Variants in KATNIP observed in about 807,000 individuals in gnomAD.
KATNIP encodes the protein katanin-interacting protein.
Under a neutral mutation model 174.0 loss-of-function variants are expected in KATNIP, and 126 were observed. The observed-to-expected ratio is 0.72, with a 90% CI of 0.63 to 0.84. KATNIP has a LOEUF of 0.84. Ranked by LOEUF, KATNIP falls within the 40% of genes least tolerant of loss-of-function variation. KATNIP has a pLI of 0.00. For missense variants in KATNIP, 1,958 were observed against 2,109.7 expected, an observed-to-expected ratio of 0.93 and a Z score of 1.41; for synonymous variants, 810 against 835.7, an observed-to-expected ratio of 0.97 and a Z score of 0.53.
Position 27,778,615 on chromosome 16 carries a change from C to A in KATNIP, c.4843C>A (p.Arg1615=). 1.2e-6 allele frequency: 2 copies of A among 1,613,756 alleles called. No individual in the cohort carries two copies. The highest frequency in any genetic ancestry group is 1.7e-6 in the Non-Finnish European group (2 of 1,179,776). Residue 1615 remains arginine (R), a synonymous_variant, in exon 28 of 28, where the codon CGA becomes AGA. Transcript: ENST00000261588. The part of the protein sequence containing the change: ...KTCISEKETR[R]RRC ...CTGCATCAGCGAGAAGGAGACGAGACGACGGCGCTGCTGACTGGTGAAGGA... is the reference window on the plus strand; with the variant it reads ...CTGCATCAGCGAGAAGGAGACGAGAAGACGGCGCTGCTGACTGGTGAAGGA...
intron 6 of KATNIP, among the ~76,000 whole-genome samples, chr16:27,664,629 T>A (rs1456752014): frequency 6.6e-6 from 1 of 152,228 alleles, no homozygotes; most frequent in Non-Finnish European, 1.5e-5. Context: ...TTACTTTTTG[T>A]CTCTTTGATC....
At position 27,628,779 on chromosome 16, in the gene KATNIP, G is replaced by A; in HGVS notation, c.259G>A (p.Ala87Thr). The change falls in exon 4 of 28, where the codon GCT becomes ACT. Residue 87 changes from alanine (A) to threonine (T), a missense_variant. By Grantham distance (58) the Ala-to-Thr change is moderately conservative. This residue lies in a region of KATNIP where 1,557 missense variants were observed against 1,617.8 expected (regional missense o/e 0.96). Transcript: ENST00000261588. The part of the protein sequence containing the change: ...NSELKSSPRK[A>T]IHSDFSRSAS... ...GGAGCTGAAATCATCACCGCGGAAA[G>A]CTATTCACTCTGACTTCTCCAGAAG... 6.2e-7 allele frequency: 1 copy of A among 1,614,202 alleles called. No individual in the cohort carries two copies. Among genetic ancestry groups the A allele is most frequent in the Non-Finnish European group, 8.5e-7 (1 of 1,180,038 alleles).
intron 2 of KATNIP, among the ~76,000 whole-genome samples, chr16:27,591,494 C>A (rs150947048): frequency 0.014 from 2,159 of 152,168 alleles, 18 homozygotes; most frequent in Non-Finnish European, 0.024. Context: ...GTTGTGCTTT[C>A]TAATGAAAAC....
At chr16:27,738,144 C>T (rs1242544705) in intron 14 of KATNIP, among the ~76,000 whole-genome samples, 1 of 152,130 alleles carries the variant, frequency 6.6e-6, no homozygotes, top group African/African-American at 2.4e-5. Context: ...AATCTCAGAG[C>T]AGTTATGGTG....
At chr16:27,775,230 C>G in intron 24 of KATNIP, 146 bp downstream of exon 24, 1 of 972,114 alleles carries the variant, frequency 1.0e-6, no homozygotes, top group Non-Finnish European at 1.5e-6. Flanking sequence ...AGGTTTAGGT[C>G]TTTGCTAACT....
Position 27,750,297 on chromosome 16 carries a change from C to T in KATNIP, c.3337C>T (p.Leu1113=), listed in dbSNP as rs1230413405. The change falls in exon 16 of 28, where the codon CTG becomes TTG. Residue 1113 remains leucine, a synonymous_variant. Coordinates refer to ENST00000261588, the MANE Select transcript of KATNIP (RefSeq NM_015202.5). The part of the protein sequence containing the change: ...EGEIAKASGT[L]AGAPEHFGDT... The stretch of plus-strand genomic sequence containing the variant: ...AGAAATCGCCAAGGCCTCTGGAACC[C>T]TGGCGGGAGGTATGGCGTGTCTGTA... 8.7e-6 allele frequency: 14 copies of T among 1,609,178 alleles called. No individual in the cohort carries two copies. Among genetic ancestry groups the T allele is most frequent in the Non-Finnish European group, 1.2e-5 (14 of 1,177,258 alleles).
intron 15 of KATNIP, 88 bp downstream of exon 15, chr16:27,741,008 T>G (rs1282626401): frequency 1.5e-5 from 19 of 1,303,870 alleles, no homozygotes; most frequent in East Asian, 2.5e-5. Flanking sequence ...GACCTCAGTT[T>G]CCTTATCTGC....
In KATNIP at chr16:27,721,704, C is replaced by G. The variant is rs766481578; in HGVS notation, c.1743+9C>G. ...ACTGGACAGCTGATGGCGTAAGTAACAGGCGCTGGTTCCCCACTGGGCACT... is the reference window on the plus strand; with the variant it reads ...ACTGGACAGCTGATGGCGTAAGTAAGAGGCGCTGGTTCCCCACTGGGCACT... On this transcript the variant is annotated intron_variant, in intron 14 of 27. Coordinates refer to ENST00000261588, the MANE Select transcript of KATNIP (RefSeq NM_015202.5). 11 of 1,612,930 alleles carry G rather than the reference C, an allele frequency of 6.8e-6. 1 individual carries two copies. In the South Asian group the frequency reaches 9.9e-5, roughly 14 times the overall value.
intron 14 of KATNIP, among the ~76,000 whole-genome samples, chr16:27,729,263 C>T (rs1031358152): frequency 1.2e-4 from 19 of 152,180 alleles, no homozygotes; most frequent in African/African-American, 4.6e-4. Context: ...GCCTCATCCT[C>T]AGTTTCCACG....
chr16:27,734,109 G>T (rs1483365301), intron 14 of KATNIP, among the ~76,000 whole-genome samples: 2 of 151,808 alleles, frequency 1.3e-5, no homozygotes, highest in African/African-American at 4.8e-5. Flanking sequence ...TTGAGACAGA[G>T]TTTCCCTCTT....
chr16:27,690,228 T>C (rs963122313), intron 8 of KATNIP, among the ~76,000 whole-genome samples: 12 of 151,926 alleles, frequency 7.9e-5, no homozygotes, highest in Non-Finnish European at 1.6e-4. Context: ...GGCAAGAGGA[T>C]GACTTGAGCA....
At chr16:27,718,962 A>G (rs1482668828) in intron 13 of KATNIP, among the ~76,000 whole-genome samples, 2 of 152,016 alleles carry the variant, frequency 1.3e-5, no homozygotes, top group African/African-American at 2.4e-5. Context: ...AGATCAGCCA[A>G]TCCTCCCTCC....
rs550241067 is a variant in KATNIP, at chr16:27,727,323, G to A, written c.1743+5628G>A. ...CCCACCTCAGCCTCCCAAGTAGCTG[G>A]GACTCCAGGTGTGCACACCACACAC... On this transcript the variant is annotated intron_variant, in intron 14 of 27. Transcript: ENST00000261588. The A allele has an allele frequency of 1.3e-3, 217 of 162,576 alleles. 6 individuals are homozygous for A. Among genetic ancestry groups the A allele is most frequent in the Middle Eastern group, 2.1e-3 (1 of 486 alleles). The allele number at this position is 162,576 out of a possible 1,614,324, so 10.1% of individuals were successfully genotyped here.
In KATNIP at chr16:27,660,132, C is replaced by T. The variant is rs894959651; in HGVS notation, c.540+11397C>T. 4 of 377,440 alleles carry T rather than the reference C, an allele frequency of 1.1e-5. No homozygotes were observed. In the Admixed American group the frequency reaches 1.9e-4, roughly 18 times the overall value. 23.4% of individuals were successfully genotyped at this position (377,440 alleles called of 1,614,324 possible). ...ATTCTGGGGCCTTGGCTAAGTCATA[C>T]TCCTCTGGGGCCCCCATTTCCTCCT... is the stretch of plus-strand genomic sequence containing the variant. On this transcript the variant is annotated intron_variant, in intron 6 of 27. Transcript: ENST00000261588.
At position 27,740,499 on chromosome 16, in the gene KATNIP, AC is replaced by A; in HGVS notation, c.2203del (p.Gln735AsnfsTer262). ...TCCATGAGGAGCCCTCTCTCATCCA[AC>A]AACTGGAAAACCTCATGGGCAGAAA... ...PVHEEPSLIQ[Q>X]LENLMGRKIC... is the part of the protein sequence containing the mutation. On this transcript the variant is annotated frameshift_variant, in exon 15 of 28. Transcript: ENST00000261588. LOFTEE classifies it high-confidence loss of function. 1 of 1,614,136 alleles carries A rather than the reference AC, an allele frequency of 6.2e-7. No individual in the cohort carries two copies. The highest frequency in any genetic ancestry group is 8.5e-7 in the Non-Finnish European group (1 of 1,180,026).
chr16:27,677,011 C>T (rs192093497), intron 6 of KATNIP, among the ~76,000 whole-genome samples: 5 of 152,164 alleles, frequency 3.3e-5, no homozygotes, highest in East Asian at 3.9e-4. Context: ...TAGTAGTGCT[C>T]GCTTTCTCTC....
intron 13 of KATNIP, among the ~76,000 whole-genome samples, chr16:27,715,045 C>A (rs866257473): frequency 2.0e-5 from 3 of 152,202 alleles, no homozygotes; most frequent in African/African-American, 7.2e-5. Context: ...TCAAAACATA[C>A]GCCAACTCTG....
chr16:27,647,188 G>A (rs1397535739), intron 5 of KATNIP, among the ~76,000 whole-genome samples: 1 of 152,166 alleles, frequency 6.6e-6, no homozygotes, highest in Non-Finnish European at 1.5e-5. Context: ...CCCAAAGAAC[G>A]ATCCAAAGGA....
intron 6 of KATNIP, among the ~76,000 whole-genome samples, chr16:27,658,972 G>A (rs1270177399): frequency 6.6e-6 from 1 of 150,754 alleles, no homozygotes; most frequent in African/African-American, 2.4e-5. Context: ...TCACCATGTT[G>A]GCCAGGCTAG....
Sources: gnomAD v4.1 joint callset for allele counts (sites outside exome capture counted in the v4.1 genomes callset) on GRCh38, gnomAD v4.1.1 for gene constraint, gnomAD v4.1.1 regional missense constraint, MANE v1.5 for transcripts, NCBI Gene and HGNC (gene_info 2026-07-23, HGNC 2026-07-21) for gene names.